Variants in GPR89B observed in about 807,000 individuals in gnomAD.
The protein encoded by GPR89B is G protein-coupled receptor 89B.
A neutral mutation model predicts 52.4 loss-of-function variants in GPR89B; 25 were observed. The ratio of observed to expected loss-of-function variants is 0.48; its 90% CI spans 0.35 to 0.67. GPR89B has a LOEUF of 0.67. GPR89B is among the 30% of genes least tolerant of loss of function. GPR89B has a pLI of 0.01. For missense variants in GPR89B, 146 were observed against 450.2 expected, an observed-to-expected ratio of 0.32 and a Z score of 6.11; for synonymous variants, 52 against 151.2, an observed-to-expected ratio of 0.34 and a Z score of 4.81.
At position 147,955,590 on chromosome 1, in the gene GPR89B, G is replaced by A. The variant is rs1465123411; in HGVS notation, c.617+1188G>A. ...TTCTTTATCTTTTGCCCCTTTGATA[G>A]TAGTCATTCCGACAGGTATGAGGTG... On this transcript the variant is annotated intron_variant, in intron 7 of 13. Transcript: ENST00000314163. 3.4e-4 allele frequency among the ~76,000 whole-genome samples: 52 copies of A among 152,170 alleles called. 1 individual carries two copies. Among genetic ancestry groups the A allele is most frequent in the Admixed American group, 5.2e-4 (8 of 15,264 alleles).
At chr1:148,014,449 C>G in the GPR89B span, 2 of 151,090 alleles carry the variant, frequency 1.3e-5, no homozygotes, top group African/African-American at 4.9e-5. Flanking sequence ...CGCCGGATAG[C>G]GCAAACACCA....
At chr1:147,953,100 G>A (rs1655849088) in intron 5 of GPR89B, among the ~76,000 whole-genome samples, 3 of 139,824 alleles carry the variant, frequency 2.1e-5, no homozygotes, top group Non-Finnish European at 1.6e-5. Context: ...TATAATTATT[G>A]TTGTTATTAT....
intron 3 of GPR89B, among the ~76,000 whole-genome samples, chr1:147,940,497 C>T (rs1654470917): frequency 6.6e-6 from 1 of 151,952 alleles, no homozygotes; most frequent in Non-Finnish European, 1.5e-5. Context: ...TATTATTTTA[C>T]ATAATGGTTA....
At chr1:147,959,762 A>G (rs2784418) in intron 7 of GPR89B, among the ~76,000 whole-genome samples, 3 of 152,086 alleles carry the variant, frequency 2.0e-5, no homozygotes, top group African/African-American at 4.8e-5. Flanking sequence ...GGCAGAAACT[A>G]GAAGAGAGTC....
At chr1:148,006,667 T>A in the GPR89B span, among the ~76,000 whole-genome samples, 1 of 152,084 alleles carries the variant, frequency 6.6e-6, no homozygotes, top group Non-Finnish European at 1.5e-5. Context: ...CAGTATTTTT[T>A]CTTTCCTTAT....
chr1:148,005,601 T>G, the GPR89B span: 2 of 1,158,222 alleles, frequency 1.7e-6, no homozygotes, highest in Non-Finnish European at 2.5e-6. Context: ...TTAGCCCCAG[T>G]CCTGTGATTG....
At chr1:147,944,511 T>TCAGATTTGGGTAG (rs1267681505) in intron 5 of GPR89B, among the ~76,000 whole-genome samples, 2 of 115,480 alleles carry the variant, frequency 1.7e-5, no homozygotes, top group Non-Finnish European at 3.5e-5. Context: ...TAAACTTTTA[T>TCAGATTTGGGTAG]CAGATTTGGG....
chr1:147,941,554 T>C (rs1189626566), intron 3 of GPR89B, among the ~76,000 whole-genome samples: 2 of 151,104 alleles, frequency 1.3e-5, no homozygotes, highest in African/African-American at 4.9e-5. Flanking sequence ...GAAACAGCCC[T>C]CTGAAACATA....
At chr1:147,943,277 T>C (rs1393217003) in intron 3 of GPR89B, among the ~76,000 whole-genome samples, 161 bp from the exon 4 acceptor site, 1 of 152,146 alleles carries the variant, frequency 6.6e-6, no homozygotes, top group Non-Finnish European at 1.5e-5. Flanking sequence ...TTGTATTTTT[T>C]AATCTCTACA....
the GPR89B span, among the ~76,000 whole-genome samples, chr1:148,025,523 C>CAAAAA: frequency 5.7e-4 from 17 of 29,678 alleles, 1 homozygote; most frequent in African/African-American, 1.1e-3. Context: ...AACTCTGTCT[C>CAAAAA]AAAAAAAAAA....
intron 3 of GPR89B, among the ~76,000 whole-genome samples, chr1:147,940,613 A>G (rs1553248774): frequency 6.6e-6 from 1 of 152,214 alleles, no homozygotes; most frequent in African/African-American, 2.4e-5. Context: ...GTTTCTGTGG[A>G]CCAGAAGGTT....
chr1:147,969,724 A>G (rs1393133243), intron 9 of GPR89B, 143 bp from the exon 10 acceptor site: 1 of 1,197,186 alleles, frequency 8.4e-7, no homozygotes, highest in Non-Finnish European at 1.2e-6. Context: ...TGCTGGCCAC[A>G]ACTACTGTTA....
the GPR89B span, among the ~76,000 whole-genome samples, chr1:147,999,134 T>A: frequency 6.6e-6 from 1 of 150,934 alleles, no homozygotes; most frequent in Non-Finnish European, 1.5e-5. Context: ...TATGATAAGA[T>A]CAGGAGGGGT....
Position 147,928,490 on chromosome 1 carries a change from C to T in GPR89B, c.-47C>T. ...GGCCTGTGGCCCCAGCGTGCTGTGG[C>T]CTCCGGGAGTGGGAAGTGGAGGCAG... On this transcript the variant is annotated 5_prime_UTR_variant, in exon 1 of 14. Coordinates refer to ENST00000314163, the MANE Select transcript of GPR89B (RefSeq NM_016334.5). 6.2e-7 allele frequency: 1 copy of T among 1,611,548 alleles called. No individual in the cohort carries two copies. Among genetic ancestry groups the T allele is most frequent in the Non-Finnish European group, 8.5e-7 (1 of 1,177,816 alleles).
intron 7 of GPR89B, among the ~76,000 whole-genome samples, chr1:147,963,242 G>A (rs1656754656): frequency 6.6e-6 from 1 of 150,912 alleles, no homozygotes; most frequent in African/African-American, 2.4e-5. Flanking sequence ...CAGGCGTGGT[G>A]GCGGGCACCT....
chr1:147,933,436 G>A (rs1653815215), intron 1 of GPR89B, among the ~76,000 whole-genome samples: 1 of 151,474 alleles, frequency 6.6e-6, no homozygotes, highest in African/African-American at 2.4e-5. Flanking sequence ...ATGTACTTTG[G>A]TGGTTTCAAC....
chr1:147,993,768 T>C (rs1165396831), downstream of GPR89B: 3,213 of 150,352 alleles, frequency 0.021, 47 homozygotes, highest in Non-Finnish European at 0.035. Context: ...TTCTGTACTT[T>C]ATTGTGTTTT....
intron 10 of GPR89B, among the ~76,000 whole-genome samples, chr1:147,972,003 T>G (rs1657509561): frequency 6.6e-6 from 1 of 151,998 alleles, no homozygotes; most frequent in Admixed American, 6.5e-5. Context: ...CCCAGACGAC[T>G]GCCAGTCTGC....
intron 10 of GPR89B, among the ~76,000 whole-genome samples, chr1:147,983,547 A>G (rs1658428326): frequency 1.3e-5 from 2 of 152,206 alleles, no homozygotes; most frequent in African/African-American, 4.8e-5. Flanking sequence ...AAAAGAAGAC[A>G]TTTATGACGC....
Sources: gnomAD v4.1 joint callset for allele counts (sites outside exome capture counted in the v4.1 genomes callset) on GRCh38, gnomAD v4.1.1 for gene constraint, MANE v1.5 for transcripts, NCBI Gene and HGNC (gene_info 2026-07-23, HGNC 2026-07-21) for gene names.